The following ABR variants were observed in gnomAD, a reference collection of about 807,000 sequenced individuals.
ABR encodes active breakpoint cluster region-related protein.
ABR carries 35 observed loss-of-function variants against 107.2 expected under a neutral mutation model. The ratio of observed to expected loss-of-function variants is 0.33; its 90% confidence interval spans 0.25 to 0.43. The LOEUF (loss-of-function observed/expected upper bound fraction) is 0.43, where lower values mean the gene tolerates loss of function less well. Among genes scored for constraint, ABR ranks in the 20% least tolerant of loss-of-function variants. ABR has a pLI of 1.00. For synonymous variants in ABR, 498 were observed against 462.0 expected, an observed-to-expected ratio of 1.08 and a Z score of -1.00; for missense variants, 815 against 1,115.2, an observed-to-expected ratio of 0.73 and a Z score of 3.83.
At chr17:1,109,156 G>GAGGC in intron 2 of ABR, 2 of 1,434,010 alleles carry the variant, frequency 1.4e-6, no homozygotes, top group Non-Finnish European at 1.9e-6. Context: ...CGGGCGGGAG[G>GAGGC]GGGGGCAGGT....
intron 1 of ABR, among the ~76,000 whole-genome samples, chr17:1,204,641 G>C (rs1283648306): frequency 6.6e-6 from 1 of 152,162 alleles, no homozygotes; most frequent in Non-Finnish European, 1.5e-5. Flanking sequence ...ATAGTATTCA[G>C]TATAGTGACC....
chr17:1,186,577 C>G (rs1390199374), intron 1 of ABR, among the ~76,000 whole-genome samples: 4 of 152,228 alleles, frequency 2.6e-5, no homozygotes, highest in African/African-American at 9.6e-5. Flanking sequence ...TTCCCATGGC[C>G]AGGGGCCACA....
chr17:1,100,624 G>A lies in ABR; in HGVS notation c.345+13C>T, dbSNP rs370021438. ...GGGGGACCGGAAGGCCCCAGAGCAGGGACTGTACTCACCAGCAACAGGGCT... is the reference window on the plus strand; with the variant it reads ...GGGGGACCGGAAGGCCCCAGAGCAGAGACTGTACTCACCAGCAACAGGGCT... On this transcript the variant is annotated intron_variant, in intron 3 of 22. Transcript: ENST00000302538. 1 of 1,613,236 alleles carries A rather than the reference G, an allele frequency of 6.2e-7. No individual in the cohort carries two copies. The highest frequency in any genetic ancestry group is 2.2e-5 in the East Asian group (1 of 44,864).
At chr17:1,013,366 A>G (rs1256585417) in intron 16 of ABR, among the ~76,000 whole-genome samples, 1 of 148,864 alleles carries the variant, frequency 6.7e-6, no homozygotes, top group Non-Finnish European at 1.5e-5. Context: ...TGGGGGAGGC[A>G]GGGCACACCC....
intron 1 of ABR, among the ~76,000 whole-genome samples, chr17:1,194,099 G>A (rs2042498385): frequency 6.6e-6 from 1 of 152,044 alleles, no homozygotes; most frequent in Non-Finnish European, 1.5e-5. Context: ...CAAGCTCCTG[G>A]GTCTTTTGAT....
intron 14 of ABR, among the ~76,000 whole-genome samples, chr17:1,052,278 CG>C (rs2032655129): frequency 6.6e-6 from 1 of 151,384 alleles, no homozygotes; most frequent in Admixed American, 6.6e-5. Context: ...GTGTTTGAGA[CG>C]GGCCATGAAG....
At chr17:1,218,009 T>C (rs1038654496) in intron 1 of ABR, among the ~76,000 whole-genome samples, 1 of 152,174 alleles carries the variant, frequency 6.6e-6, no homozygotes, top group African/African-American at 2.4e-5. Flanking sequence ...TTTGTATTTT[T>C]AGTGGAGACG....
intron 16 of ABR, among the ~76,000 whole-genome samples, chr17:1,021,784 T>TG (rs1195055187): frequency 7.7e-5 from 11 of 142,642 alleles, no homozygotes; most frequent in Non-Finnish European, 1.4e-4. Context: ...CACTCCAGCC[T>TG]GGCGGCAGAA....
rs1440021227 is a variant in ABR, at chr17:1,051,277, G to A, written c.1562-643C>T. On this transcript the variant is annotated intron_variant, in intron 14 of 22. Coordinates refer to ENST00000302538, the MANE Select transcript of ABR (RefSeq NM_021962.5). This position sits in a 1 kb window ranked among gnomAD's most constrained non-coding sequence, Gnocchi z 4.3. ...TCCCTAGTCTCTCTCCCCCCACGAC[G>A]TAAACACCATGTGGAGAGAAGCCTG... Among the ~76,000 whole-genome samples, 1 of 152,144 alleles carries A rather than the reference G, an allele frequency of 6.6e-6. No individual in the cohort carries two copies. Among genetic ancestry groups the A allele is most frequent in the Non-Finnish European group, 1.5e-5 (1 of 68,028 alleles).
intron 16 of ABR, chr17:1,031,976 C>T (rs1326817143): frequency 3.9e-6 from 3 of 767,740 alleles, no homozygotes; most frequent in East Asian, 3.7e-5. Context: ...GGCTGAGCGC[C>T]GCCTCCCAGG....
At chr17:1,090,598 C>T (rs1354897012) in intron 4 of ABR, among the ~76,000 whole-genome samples, 1 of 152,128 alleles carries the variant, frequency 6.6e-6, no homozygotes, top group Non-Finnish European at 1.5e-5. Flanking sequence ...GGAAGCGGAG[C>T]AGGTGACGCC....
chr17:1,209,629 C>T (rs768543468), intron 1 of ABR, among the ~76,000 whole-genome samples: 3 of 151,662 alleles, frequency 2.0e-5, no homozygotes, highest in Non-Finnish European at 4.4e-5. Context: ...ACTGACCTCT[C>T]GTGGTCATAA....
rs866482140 is a variant in ABR, at chr17:1,022,928, C to G, written c.1792-9764G>C. ...GAACGACGCTTTTGTCCAAGGCAGG[C>G]TAGCCTCTTAGCACCCGCAGCAACC... On this transcript the variant is annotated intron_variant, in intron 16 of 22. Coordinates refer to ENST00000302538, the MANE Select transcript of ABR (RefSeq NM_021962.5). Among the ~76,000 whole-genome samples the G allele has an allele frequency of 6.6e-4, 101 of 152,398 alleles. 1 individual carries two copies. The highest frequency in any genetic ancestry group is 2.2e-3 in the African/African-American group (93 of 41,600).
At chr17:1,029,595 C>T (rs2072541783) in intron 16 of ABR, among the ~76,000 whole-genome samples, 1 of 152,184 alleles carries the variant, frequency 6.6e-6, no homozygotes, top group Non-Finnish European at 1.5e-5. Context: ...CCAGTCTGGG[C>T]AGTACCAGGC....
intron 1 of ABR, among the ~76,000 whole-genome samples, chr17:1,127,723 T>A (rs1283406229): frequency 6.6e-6 from 1 of 152,112 alleles, no homozygotes; most frequent in African/African-American, 2.4e-5. Flanking sequence ...TCCTGTACAC[T>A]GACCAATTCC....
At chr17:1,053,743 G>A (rs1597570282) in intron 14 of ABR, among the ~76,000 whole-genome samples, 1 of 152,238 alleles carries the variant, frequency 6.6e-6, no homozygotes, top group African/African-American at 2.4e-5. Flanking sequence ...TCTGACACCC[G>A]CCCAGGCTGG....
intron 11 of ABR, 27 bp from the exon 12 acceptor site, chr17:1,058,072 G>A (rs1193026470): frequency 6.3e-7 from 1 of 1,585,792 alleles, no homozygotes; most frequent in South Asian, 1.1e-5. Context: ...AGCATAAAGT[G>A]GGTGACCACA....
In ABR at chr17:1,044,040, C is replaced by T. The variant is rs533857091; in HGVS notation, c.1791+6010G>A. On this transcript the variant is annotated intron_variant, in intron 16 of 22. Transcript: ENST00000302538. ...GAAAGCGCTCTCCTCAGGCCCAGCC[C>T]GCCAAGAAGGGCCGGACCCTGGGAA... Among the ~76,000 whole-genome samples, 68 of 152,340 alleles carry T rather than the reference C, an allele frequency of 4.5e-4. 1 individual carries two copies. The highest frequency in any genetic ancestry group is 1.6e-3 in the African/African-American group (66 of 41,590).
chr17:1,056,491 A>G lies in ABR; in HGVS notation c.1487-382T>C, dbSNP rs146198270. Reference sequence around the variant, plus strand: ...ATGTCGAGGAAAGCTTGCCTTCAGGACCCCGTTCACAAAGTGGACCCTTTC... The same window carrying G: ...ATGTCGAGGAAAGCTTGCCTTCAGGGCCCCGTTCACAAAGTGGACCCTTTC... On this transcript the variant is annotated intron_variant, in intron 13 of 22. Transcript: ENST00000302538. Among the ~76,000 whole-genome samples, 404 of 152,054 alleles carry G rather than the reference A, an allele frequency of 2.7e-3. 4 individuals carry two copies. Among genetic ancestry groups the G allele is most frequent in the African/African-American group, 9.4e-3 (391 of 41,446 alleles).
Sources: allele counts gnomAD v4.1 joint callset (sites outside exome capture counted in the v4.1 genomes callset), GRCh38; gene constraint gnomAD v4.1.1; non-coding constraint Gnocchi (gnomAD v3.1); transcripts MANE v1.5; gene names NCBI Gene and HGNC (gene_info 2026-07-23, HGNC 2026-07-21).